TAL1: variants seen among roughly 807,000 people sequenced by gnomAD.
TAL1 encodes TAL bHLH transcription factor 1, erythroid differentiation factor.
In TAL1, 8 loss-of-function variants were observed where a neutral mutation model predicts 17.9. The ratio of observed to expected loss-of-function variants is 0.45; its 90% confidence interval spans 0.26 to 0.81. The LOEUF (loss-of-function observed/expected upper bound fraction) is 0.81. Among genes scored for constraint, TAL1 ranks in the 30% least tolerant of loss-of-function variants. The pLI, the probability that TAL1 is intolerant of heterozygous loss-of-function variation, is 0.17. For missense variants in TAL1, 466 were observed against 486.9 expected (o/e 0.96, Z 0.40); for synonymous variants, 223 against 218.6 (o/e 1.02, Z -0.18).
chr1:47,221,851 C>T (rs953052145), intron 3 of TAL1, among the ~76,000 whole-genome samples: 7 of 152,202 alleles, frequency 4.6e-5, no homozygotes, highest in Non-Finnish European at 8.8e-5. Context: ...TTTCTCTCTC[C>T]TACACGCACA....
chr1:47,219,492 CA>C (rs1645566057), exon 4 of TAL1: 2 of 739,416 alleles, frequency 2.7e-6, no homozygotes, highest in Non-Finnish European at 4.8e-6. Context: ...GCCGTCTTCA[CA>C]AAAAGTACCT....
At chr1:47,219,410 A>T in exon 4 of TAL1, 1 of 608,290 alleles carries the variant, frequency 1.6e-6, no homozygotes, top group South Asian at 1.5e-5. Context: ...CCCAAACTCC[A>T]GGCCAAAAGC....
intron 3 of TAL1, among the ~76,000 whole-genome samples, chr1:47,223,028 G>T (rs1397448024): frequency 6.6e-6 from 1 of 152,108 alleles, no homozygotes; most frequent in Non-Finnish European, 1.5e-5. Context: ...GTCTTTTGAA[G>T]TCTTTTCTGT....
intron 1 of TAL1, chr1:47,228,058 C>T (rs1643939460): frequency 6.5e-6 from 1 of 152,812 alleles, no homozygotes; most frequent in Non-Finnish European, 1.5e-5. Context: ...GCGGTGGATT[C>T]CTGAGAGGCA....
exon 4 of TAL1, chr1:47,216,686 A>C (rs567943872): frequency 8.6e-6 from 2 of 231,772 alleles, no homozygotes; most frequent in African/African-American, 4.4e-5. Context: ...GAAAAGAATA[A>C]AGGTTGTACC....
intron 3 of TAL1, 88 bp downstream of exon 4, chr1:47,223,916 C>T: frequency 7.8e-7 from 1 of 1,284,468 alleles, no homozygotes; most frequent in Non-Finnish European, 1.1e-6. Flanking sequence ...TTGTGAGATA[C>T]CTACGGAGTA....
At chr1:47,217,741 C>T in exon 4 of TAL1, 1 of 398,612 alleles carries the variant, frequency 2.5e-6, no homozygotes. Context: ...TAAAACCCAT[C>T]CACCCATCCA....
At chr1:47,224,137 G>A in intron 2 of TAL1, 39 bp from the exon 4 acceptor site, 2 of 1,596,082 alleles carry the variant, frequency 1.3e-6, no homozygotes, top group South Asian at 1.1e-5. Context: ...ATCCCATGTT[G>A]AGGGGAGGGG....
chr1:47,229,827 G>T (rs1183170430), upstream of TAL1: 1 of 152,198 alleles, frequency 6.6e-6, no homozygotes, highest in Non-Finnish European at 1.5e-5. Context: ...ACTCTGGTCG[G>T]TGGGACAGAA....
intron 3 of TAL1, among the ~76,000 whole-genome samples, chr1:47,221,412 A>G (rs2249665): frequency 0.91 from 138,223 of 152,240 alleles, 63,108 homozygotes; most frequent in Middle Eastern, 0.96. Flanking sequence ...GAGCAGTGGC[A>G]GATACCAGCA....
At chr1:47,221,857 G>A (rs986183587) in intron 3 of TAL1, among the ~76,000 whole-genome samples, 8 of 152,016 alleles carry the variant, frequency 5.3e-5, no homozygotes, top group African/African-American at 1.5e-4. Context: ...TCTCCTACAC[G>A]CACACAGGCA....
exon 4 of TAL1, chr1:47,217,613 A>T (rs865944260): frequency 5.0e-6 from 2 of 398,646 alleles, no homozygotes; most frequent in Middle Eastern, 6.3e-4. Context: ...TACTTTCATG[A>T]TCCCATTCAG....
intron 1 of TAL1, 65 bp from the exon 3 acceptor site, chr1:47,225,954 G>C: frequency 6.6e-7 from 1 of 1,511,076 alleles, no homozygotes; most frequent in Non-Finnish European, 8.8e-7. Context: ...CACCGACGTG[G>C]GCTGGGGTAA....
chr1:47,219,893 C>T (rs1204288003), exon 4 of TAL1: 5 of 1,562,586 alleles, frequency 3.2e-6, no homozygotes, highest in Non-Finnish European at 3.5e-6. Context: ...TCTGGGGGCG[C>T]GCCGCCCCCT....
intron 3 of TAL1, among the ~76,000 whole-genome samples, chr1:47,222,720 C>T (rs753676230): frequency 6.6e-6 from 1 of 152,106 alleles, no homozygotes; most frequent in East Asian, 1.9e-4. Flanking sequence ...GTCTGTCTAC[C>T]CCTCCTGGTG....
exon 4 of TAL1, chr1:47,219,894 G>GCCCCCCCCCCCCCCCCCCCCCCCCCCC: frequency 6.4e-7 from 1 of 1,556,038 alleles, no homozygotes; most frequent in Non-Finnish European, 8.7e-7. Flanking sequence ...CTGGGGGCGC[G>GCCCCCCCCCCCCCCCCCCCCCCCCCCC]CCGCCCCCTC....
chr1:47,231,666 T>A (rs1644016754), upstream of TAL1: 1 of 232,944 alleles, frequency 4.3e-6, no homozygotes, highest in African/African-American at 2.2e-5. Flanking sequence ...CAGAATCAGA[T>A]CCCTGCTGAG....
chr1:47,225,497 G>A lies in TAL1; in HGVS notation c.392C>T (p.Ala131Val), dbSNP rs1463781378. 4.0e-6 allele frequency: 5 copies of A among 1,235,570 alleles called. No homozygotes were observed. The highest frequency in any genetic ancestry group is 4.2e-5 in the Admixed American group (1 of 23,642). The allele number at this position is 1,235,570 out of a possible 1,614,324, so 76.5% of individuals were successfully genotyped here. ...GCTGTAGAGCAGCGCGCGGCCGGGG[G>A]CGGCGGGGGCAGCCAGCGCGGGAGG... Residue 131 changes from alanine (A) to valine (V), a missense_variant, in exon 2 of 4, where the codon GCC (alanine) becomes GTC (valine). Ala to Val is a moderately conservative substitution (Grantham distance 64). Coordinates refer to ENST00000294339, the Ensembl canonical transcript of TAL1.
chr1:47,231,994 G>A (rs1644022479), upstream of TAL1, among the ~76,000 whole-genome samples: 1 of 152,100 alleles, frequency 6.6e-6, no homozygotes, highest in Admixed American at 6.5e-5. Flanking sequence ...GCCGGGGCGG[G>A]GGCGTCCGTG....
Sources: allele counts gnomAD v4.1 joint callset (sites outside exome capture counted in the v4.1 genomes callset), GRCh38; gene constraint gnomAD v4.1.1; transcripts MANE v1.5; gene names NCBI Gene and HGNC (gene_info 2026-07-23, HGNC 2026-07-21).